The following CCDC7 variants were observed in gnomAD, a reference collection of about 807,000 sequenced individuals.
CCDC7 encodes the protein coiled-coil domain-containing protein 7.
CCDC7 carries 183 observed loss-of-function variants against 196.9 expected under a neutral mutation model. The ratio of observed to expected loss-of-function variants is 0.93; its 90% CI spans 0.82 to 1.05. CCDC7 has a LOEUF of 1.05. Ranked by LOEUF, CCDC7 falls within the 50% of genes least tolerant of loss-of-function variation. The pLI is 0.00. For missense variants in CCDC7, 1,540 were observed against 1,482.2 expected (o/e 1.04, Z -0.64); for synonymous variants, 525 against 484.6 (o/e 1.08, Z -1.10).
intron 20 of CCDC7, among the ~76,000 whole-genome samples, chr10:32,648,221 G>A (rs1488199138): frequency 6.6e-6 from 1 of 152,080 alleles, no homozygotes; most frequent in Non-Finnish European, 1.5e-5. Context: ...AACTGTTTTG[G>A]TTATTGTGGC....
intron 3 of CCDC7, among the ~76,000 whole-genome samples, chr10:32,457,081 T>C (rs765920765): frequency 3.1e-4 from 47 of 151,848 alleles, no homozygotes; most frequent in Non-Finnish European, 4.0e-4. Context: ...TGTAGAACAC[T>C]ATAACTTATT....
chr10:32,566,970 TA>T (rs1214350645), intron 14 of CCDC7, among the ~76,000 whole-genome samples: 1 of 132,600 alleles, frequency 7.5e-6, no homozygotes, highest in Non-Finnish European at 1.6e-5. Flanking sequence ...TTTTTATATA[TA>T]AATATATAAC....
At position 32,711,743 on chromosome 10, in the gene CCDC7, A is replaced by G; in HGVS notation, c.2569+13A>G. On this transcript the variant is annotated intron_variant, in intron 25 of 41. Transcript: ENST00000639629. Reference sequence around the variant, plus strand: ...GAAGGACGTAGCAGTAAGTATAATGATGATAGCTATTTTATATTATTTTAA... The same window carrying G: ...GAAGGACGTAGCAGTAAGTATAATGGTGATAGCTATTTTATATTATTTTAA... 1.4e-6 allele frequency: 2 copies of G among 1,409,920 alleles called. No individual in the cohort carries two copies. The highest frequency in any genetic ancestry group is 1.9e-6 in the Non-Finnish European group (2 of 1,031,312). The allele number at this position is 1,409,920 out of a possible 1,614,324, so 87.3% of individuals were successfully genotyped here.
At chr10:32,659,377 A>T (rs778349849) in intron 20 of CCDC7, among the ~76,000 whole-genome samples, 1 of 152,190 alleles carries the variant, frequency 6.6e-6, no homozygotes, top group Non-Finnish European at 1.5e-5. Flanking sequence ...GTTTTATACC[A>T]TTGTGGTAAG....
At chr10:32,830,180 T>G (rs1366760467) in intron 32 of CCDC7, among the ~76,000 whole-genome samples, 16 of 102,522 alleles carry the variant, frequency 1.6e-4, no homozygotes, top group Non-Finnish European at 2.9e-4. Flanking sequence ...CTAATACATG[T>G]GTATATACAT....
chr10:32,545,837 C>T (rs970838833), intron 13 of CCDC7, among the ~76,000 whole-genome samples: 2 of 138,210 alleles, frequency 1.4e-5, no homozygotes, highest in South Asian at 2.4e-4. Flanking sequence ...ACCCAGGAGG[C>T]GGAGGCTGCA....
intron 16 of CCDC7, among the ~76,000 whole-genome samples, chr10:32,579,892 A>T (rs1352460339): frequency 1.3e-5 from 2 of 152,086 alleles, no homozygotes; most frequent in African/African-American, 4.8e-5. Context: ...CTTCAGCGGT[A>T]GCCCAAACTC....
At chr10:32,821,640 G>A (rs897468945) in intron 31 of CCDC7, among the ~76,000 whole-genome samples, 1 of 152,156 alleles carries the variant, frequency 6.6e-6, no homozygotes, top group South Asian at 2.1e-4. Context: ...CATAAAAAAG[G>A]ATGAGCTCAT....
At chr10:32,648,778 T>C (rs1032961374) in intron 20 of CCDC7, among the ~76,000 whole-genome samples, 2 of 152,222 alleles carry the variant, frequency 1.3e-5, no homozygotes, top group Non-Finnish European at 2.9e-5. Flanking sequence ...TACTGAATTT[T>C]TTTTCATGTT....
chr10:32,677,873 A>G lies in CCDC7; in HGVS notation c.2123-8097A>G, dbSNP rs568179745. On this transcript the variant is annotated intron_variant, in intron 21 of 41. Transcript: ENST00000639629. The stretch of plus-strand genomic sequence containing the variant: ...CACATGATGGTATCCCATACATCTT[A>G]TAGGATTTCTTCACTCTTTTTCATT... Among the ~76,000 whole-genome samples the G allele has an allele frequency of 3.3e-5, 5 of 152,208 alleles. No individual in the cohort carries two copies. In the South Asian group the frequency reaches 6.2e-4, roughly 19 times the overall value.
intron 4 of CCDC7, 148 bp downstream of exon 5, chr10:32,462,851 A>G (rs2036014034): frequency 7.9e-7 from 1 of 1,266,268 alleles, no homozygotes; most frequent in Non-Finnish European, 1.1e-6. Context: ...TCATTTGTAT[A>G]GTGCATTAGC....
downstream of CCDC7, among the ~76,000 whole-genome samples, chr10:32,878,509 G>C (rs1378579694): frequency 1.3e-5 from 2 of 152,136 alleles, no homozygotes; most frequent in East Asian, 1.9e-4. Flanking sequence ...CCTTAATATT[G>C]AGCAGGGGAT....
intron 18 of CCDC7, among the ~76,000 whole-genome samples, chr10:32,592,366 T>C (rs1265656882): frequency 6.6e-6 from 1 of 152,120 alleles, no homozygotes; most frequent in East Asian, 1.9e-4. Context: ...TATTAATTTT[T>C]CTGCTAGCTT....
chr10:32,492,893 T>C (rs1217014361), intron 9 of CCDC7, among the ~76,000 whole-genome samples: 1 of 152,148 alleles, frequency 6.6e-6, no homozygotes, highest in Admixed American at 6.5e-5. Flanking sequence ...AAAATGTAGT[T>C]TGTGAATATT....
chr10:32,820,071 T>C (rs938245970), intron 31 of CCDC7, among the ~76,000 whole-genome samples: 7 of 152,308 alleles, frequency 4.6e-5, no homozygotes, highest in African/African-American at 1.4e-4. Context: ...AAAACCCCAC[T>C]GTCTCAGTCC....
intron 28 of CCDC7, among the ~76,000 whole-genome samples, chr10:32,735,069 G>GC (rs5784303): frequency 0.92 from 140,514 of 152,124 alleles, 65,880 homozygotes; most frequent in East Asian, 1. Context: ...GGCTCTTGGT[G>GC]CTATATGATT....
chr10:32,786,665 G>T (rs1265545079), intron 29 of CCDC7, among the ~76,000 whole-genome samples: 1 of 152,200 alleles, frequency 6.6e-6, no homozygotes, highest in Non-Finnish European at 1.5e-5. Flanking sequence ...GGAGGCTGAA[G>T]CAGGAGAATT....
chr10:32,450,945 CTTG>C (rs1408125082), upstream of CCDC7, among the ~76,000 whole-genome samples: 1 of 151,848 alleles, frequency 6.6e-6, no homozygotes, highest in Non-Finnish European at 1.5e-5. Context: ...ATTTTTTGTT[CTTG>C]TTGTTTTCTG....
chr10:32,651,426 G>T (rs1581326), intron 20 of CCDC7, among the ~76,000 whole-genome samples: 1 of 152,020 alleles, frequency 6.6e-6, no homozygotes, highest in Non-Finnish European at 1.5e-5. Flanking sequence ...TGTGAGCTCT[G>T]TCTATGAGAG....
Sources: gnomAD v4.1 joint callset for allele counts (sites outside exome capture counted in the v4.1 genomes callset) on GRCh38, gnomAD v4.1.1 for gene constraint, MANE v1.5 for transcripts, NCBI Gene and HGNC (gene_info 2026-07-23, HGNC 2026-07-21) for gene names.